Variants in THAP3 observed in about 807,000 individuals in gnomAD.
THAP3 encodes THAP domain-containing protein 3.
THAP3 carries 12 observed loss-of-function variants against 17.7 expected under a neutral mutation model. The observed-to-expected ratio is 0.68, with a 90% CI of 0.43 to 1.10. The LOEUF (loss-of-function observed/expected upper bound fraction) is 1.10. Among genes scored for constraint, THAP3 ranks in the 50% least tolerant of loss-of-function variants. THAP3 has a pLI of 0.00. For missense variants in THAP3, 289 were observed against 318.0 expected (o/e 0.91, Z 0.69); for synonymous variants, 133 against 126.9 (o/e 1.05, Z -0.32).
intron 2 of THAP3, among the ~76,000 whole-genome samples, chr1:6,626,801 G>A (rs1262565284): frequency 1.3e-5 from 2 of 152,214 alleles, no homozygotes; most frequent in African/African-American, 2.4e-5. Context: ...AACCGAGATC[G>A]CACCACTACA....
At chr1:6,626,029 T>G (rs1557452144) in intron 2 of THAP3, among the ~76,000 whole-genome samples, 1 of 152,138 alleles carries the variant, frequency 6.6e-6, no homozygotes, top group Non-Finnish European at 1.5e-5. Context: ...CGTTACCAGC[T>G]GGGCGCGGTG....
chr1:6,633,148 G>C lies in THAP3; in HGVS notation c.*71G>C. 1 of 1,520,754 alleles carries C rather than the reference G, an allele frequency of 6.6e-7. No homozygotes were observed. Among genetic ancestry groups the C allele is most frequent in the South Asian group, 1.2e-5 (1 of 80,238 alleles). The allele number at this position is 1,520,754 out of a possible 1,614,324, so 94.2% of individuals were successfully genotyped here. A position where few individuals can be genotyped will look rare whatever the true frequency, so the allele number is the denominator to read the frequency against. On this transcript the variant is annotated 3_prime_UTR_variant, in exon 6 of 6. Transcript: ENST00000054650. ...GCAGAGCTTTGGAGCTCTGGCTGTG[G>C]ACATTTTTGTCTGCTGTGGACACTG...
At chr1:6,631,039 T>G (rs1257376580) in intron 4 of THAP3, among the ~76,000 whole-genome samples, 1 of 152,084 alleles carries the variant, frequency 6.6e-6, no homozygotes, top group Non-Finnish European at 1.5e-5. Context: ...AGGGTCTCAC[T>G]CTGTTGCTCA....
chr1:6,627,499 G>A (rs1641497682), intron 2 of THAP3, among the ~76,000 whole-genome samples: 1 of 152,146 alleles, frequency 6.6e-6, no homozygotes, highest in Admixed American at 6.6e-5. Context: ...CAAGTAGCTG[G>A]GATCACAGGA....
chr1:6,632,355 A>AG (rs1641640378), intron 4 of THAP3, 36 bp from the exon 5 acceptor site: 2 of 1,610,618 alleles, frequency 1.2e-6, no homozygotes, highest in African/African-American at 2.7e-5. Context: ...CTGCATGTGC[A>AG]GGGCTGTAGT....
intron 2 of THAP3, among the ~76,000 whole-genome samples, chr1:6,626,832 C>G (rs766507922): frequency 6.6e-6 from 1 of 152,184 alleles, no homozygotes; most frequent in Non-Finnish European, 1.5e-5. Context: ...GGCAACAGAG[C>G]GAGACTCCGT....
chr1:6,627,527 G>A lies in THAP3; in HGVS notation c.75-972G>A, dbSNP rs566464712. Among the ~76,000 whole-genome samples the A allele has an allele frequency of 2.0e-5, 3 of 152,224 alleles. No individual in the cohort carries two copies. The South Asian group carries it at 6.2e-4, about 32-fold the overall frequency. ...TCACAGGAGTGCGCCACCACGCTGGGCTAATTTTTGCATCTTTAGTAGAGA... is the reference window on the plus strand; with the variant it reads ...TCACAGGAGTGCGCCACCACGCTGGACTAATTTTTGCATCTTTAGTAGAGA... On this transcript the variant is annotated intron_variant, in intron 2 of 5. Coordinates refer to ENST00000054650, the MANE Select transcript of THAP3 (RefSeq NM_001195753.2).
Position 6,624,900 on chromosome 1 carries a change from C to T in THAP3, c.-124C>T, listed in dbSNP as rs1389271191. On this transcript the variant is annotated 5_prime_UTR_variant, in exon 1 of 6. Transcript: ENST00000054650. The stretch of plus-strand genomic sequence containing the variant: ...TCCAAGCCTGTGAGTGGCTATGCGT[C>T]CTGGTTGGGTGCTCAAAGCAAGGAG... 1 of 398,496 alleles carries T rather than the reference C, an allele frequency of 2.5e-6. No homozygotes were observed. The highest frequency in any genetic ancestry group is 5.9e-5 in the East Asian group (1 of 17,006). The allele number at this position is 398,496 out of a possible 1,614,324, so 24.7% of individuals were successfully genotyped here.
chr1:6,627,044 G>A (rs1641486424), intron 2 of THAP3, among the ~76,000 whole-genome samples: 2 of 152,326 alleles, frequency 1.3e-5, no homozygotes, highest in South Asian at 4.1e-4. Flanking sequence ...CGATTGCATA[G>A]CATTTCACAC....
downstream of THAP3, chr1:6,635,549 G>A (rs1418432175): frequency 9.4e-7 from 1 of 1,060,182 alleles, no homozygotes; most frequent in African/African-American, 1.6e-5. Flanking sequence ...AATTGATAAT[G>A]GTACCACCTT....
In THAP3 at chr1:6,625,140, C is replaced by T. The variant is rs1641425382; in HGVS notation, c.-69-10C>T. On this transcript the variant is annotated splice_polypyrimidine_tract_variant and intron_variant, in intron 1 of 5. Transcript: ENST00000054650. ...TCACCACCTCCCAGCGGCCCCGCCC[C>T]TCCCCGCAGGTCCCTCCCCTCTCCG... 9 of 1,445,836 alleles carry T rather than the reference C, an allele frequency of 6.2e-6. No homozygotes were observed. The highest frequency in any genetic ancestry group is 1.2e-5 in the South Asian group (1 of 80,366). The allele number at this position is 1,445,836 out of a possible 1,614,324, so 89.6% of individuals were successfully genotyped here.
chr1:6,634,366 T>A, downstream of THAP3: 1 of 1,107,596 alleles, frequency 9.0e-7, no homozygotes, highest in Non-Finnish European at 1.2e-6. Context: ...TGGAGATGAA[T>A]GTTACAGAAT....
intron 4 of THAP3, among the ~76,000 whole-genome samples, chr1:6,631,178 A>T (rs866291710): frequency 2.2e-4 from 31 of 140,240 alleles, no homozygotes; most frequent in East Asian, 8.3e-4. Flanking sequence ...CTAATTAAAA[A>T]TTTTTTTTTT....
In THAP3 at chr1:6,632,631, A is replaced by T. The variant is rs767642297; in HGVS notation, c.438+136A>T. On this transcript the variant is annotated intron_variant, in intron 5 of 5. Transcript: ENST00000054650. ...TGCAGCCTGGGTTTCAGAGCTCCCC[A>T]GTCAAATTCTCCACCATGGTGTGGG... 4.1e-6 allele frequency: 6 copies of T among 1,447,198 alleles called. No individual in the cohort carries two copies. The South Asian group carries it at 5.1e-5, about 12-fold the overall frequency. 89.6% of individuals were successfully genotyped at this position (1,447,198 alleles called of 1,614,324 possible). A position where few individuals can be genotyped will look rare whatever the true frequency, so the allele number is the denominator to read the frequency against.
chr1:6,631,454 C>A (rs952390136), intron 4 of THAP3, among the ~76,000 whole-genome samples: 107 of 151,730 alleles, frequency 7.1e-4, no homozygotes, highest in Non-Finnish European at 1.2e-3. Context: ...ATAGTAAAAA[C>A]CCCATCTCTA....
intron 2 of THAP3, among the ~76,000 whole-genome samples, chr1:6,626,560 G>A (rs1164000555): frequency 6.6e-6 from 1 of 152,206 alleles, no homozygotes; most frequent in Non-Finnish European, 1.5e-5. Flanking sequence ...TCTGGAGGCT[G>A]GGCGTGGTGG....
In THAP3 at chr1:6,630,349, A is replaced by G; in HGVS notation, c.329A>G (p.Glu110Gly). Residue 110 changes from glutamate to glycine, a missense_variant, in exon 4 of 6, where the codon GAA becomes GGA. By Grantham distance (98) the Glu-to-Gly change is moderately conservative. Coordinates refer to ENST00000054650, the MANE Select transcript of THAP3 (RefSeq NM_001195753.2). The stretch of plus-strand genomic sequence containing the variant: ...GGAAATGCCAGCTCTTCTCAGAAAG[A>G]AAAGGTGAGTGCACCGGGCCAGGTA... ...ERGNASSSQK[E>G]KVLPEAGAGE... 6.2e-7 allele frequency: 1 copy of G among 1,613,998 alleles called. No homozygotes were observed. Among genetic ancestry groups the G allele is most frequent in the Non-Finnish European group, 8.5e-7 (1 of 1,179,884 alleles).
At chr1:6,634,087 G>A (rs761573686), downstream of THAP3, 7 of 1,613,540 alleles carry the variant, frequency 4.3e-6, no homozygotes, top group South Asian at 6.6e-5. Flanking sequence ...AGTGAGGAGT[G>A]AAGGATGGGG....
At chr1:6,630,171 T>G in intron 3 of THAP3, 117 bp from the exon 4 acceptor site, 1 of 870,450 alleles carries the variant, frequency 1.1e-6, no homozygotes, top group South Asian at 1.3e-5. Context: ...TTAGCAGCTG[T>G]TCGTTGACTG....
Sources: gnomAD v4.1 joint callset for allele counts (sites outside exome capture counted in the v4.1 genomes callset) on GRCh38, gnomAD v4.1.1 for gene constraint, MANE v1.5 for transcripts, NCBI Gene and HGNC (gene_info 2026-07-23, HGNC 2026-07-21) for gene names.